Variants in TLL1 observed in about 807,000 individuals in gnomAD.
TLL1 encodes tolloid-like protein 1.
Under a neutral mutation model 128.2 loss-of-function variants are expected in TLL1, and 49 were observed. That is an observed-to-expected ratio of 0.38 (90% CI 0.30 to 0.48). The LOEUF (loss-of-function observed/expected upper bound fraction) is 0.48, where lower values mean the gene tolerates loss of function less well. TLL1 is among the 20% of genes least tolerant of loss of function. The probability of loss-of-function intolerance (pLI) is 0.96; values close to 1 mark genes in which losing one functional copy is unlikely to be tolerated. For synonymous variants in TLL1, 454 were observed against 418.8 expected (o/e 1.08, Z -1.03); for missense variants, 1,123 against 1,242.0 (o/e 0.90, Z 1.44).
At chr4:165,905,233 T>C (rs1732197477) in intron 1 of TLL1, among the ~76,000 whole-genome samples, 1 of 152,208 alleles carries the variant, frequency 6.6e-6, no homozygotes, top group Non-Finnish European at 1.5e-5. Context: ...AATGAAAGCA[T>C]ATGTCCCTAC....
chr4:166,049,946 A>G (rs984697154), intron 12 of TLL1, among the ~76,000 whole-genome samples: 6 of 152,082 alleles, frequency 3.9e-5, no homozygotes, highest in African/African-American at 1.2e-4. Context: ...AAATAATACT[A>G]TCTATACAAG....
At chr4:165,876,006 A>C (rs568433120) in intron 1 of TLL1, among the ~76,000 whole-genome samples, 2 of 152,154 alleles carry the variant, frequency 1.3e-5, no homozygotes, top group Non-Finnish European at 2.9e-5. Context: ...AATAAAACCA[A>C]CGTTGAATGG....
At chr4:165,954,717 C>T (rs1041846058) in intron 1 of TLL1, among the ~76,000 whole-genome samples, 3 of 151,984 alleles carry the variant, frequency 2.0e-5, no homozygotes, top group African/African-American at 4.8e-5. Flanking sequence ...TCTGAAAGCA[C>T]CCAGAAACAA....
At position 166,074,545 on chromosome 4, in the gene TLL1, A is replaced by G. The variant is rs184695297; in HGVS notation, c.2189-333A>G. Reference sequence around the variant, plus strand: ...TTAAATTTATTTTTTTAAATTGGCAATAAATGTTTAGGGTTAATTTGAAAA... The same window carrying G: ...TTAAATTTATTTTTTTAAATTGGCAGTAAATGTTTAGGGTTAATTTGAAAA... On this transcript the variant is annotated intron_variant, in intron 16 of 20. Transcript: ENST00000061240. Among the ~76,000 whole-genome samples the G allele has an allele frequency of 1.1e-4, 16 of 152,122 alleles. No homozygotes were observed. The East Asian group carries it at 2.7e-3, about 26-fold the overall frequency.
At chr4:165,953,567 A>G (rs56270016) in intron 1 of TLL1, among the ~76,000 whole-genome samples, 263 of 10,910 alleles carry the variant, frequency 0.024, no homozygotes, top group Middle Eastern at 0.091. Context: ...TTTCATTTAG[A>G]AAAAAAAAAA....
At chr4:165,990,217 T>C (rs1041390419) in intron 2 of TLL1, among the ~76,000 whole-genome samples, 1 of 151,922 alleles carries the variant, frequency 6.6e-6, no homozygotes, top group African/African-American at 2.4e-5. Flanking sequence ...TTTTTATCTG[T>C]GTATTATTCT....
chr4:165,967,015 G>A lies in TLL1; in HGVS notation c.170-22366G>A, dbSNP rs112033368. Among the ~76,000 whole-genome samples the A allele has an allele frequency of 5.3e-5, 8 of 152,272 alleles. No individual in the cohort carries two copies. The South Asian group carries it at 6.2e-4, about 12-fold the overall frequency. ...CTTATTTCATCCCTTATCTGCAACC[G>A]TGTAAGACAGACATTCCCAGAGCAG... is the stretch of plus-strand genomic sequence containing the variant. On this transcript the variant is annotated intron_variant, in intron 1 of 20. Coordinates refer to ENST00000061240, the MANE Select transcript of TLL1 (RefSeq NM_012464.5).
chr4:165,966,586 G>T (rs1255906382), intron 1 of TLL1, among the ~76,000 whole-genome samples: 1 of 152,132 alleles, frequency 6.6e-6, no homozygotes, highest in Non-Finnish European at 1.5e-5. Context: ...GCTGGTCTGA[G>T]AAATAAAGGG....
chr4:165,956,208 AGTGGTGCACGTATT>A (rs1286789329), intron 1 of TLL1, among the ~76,000 whole-genome samples: 1 of 152,140 alleles, frequency 6.6e-6, no homozygotes, highest in African/African-American at 2.4e-5. Flanking sequence ...GTCTCTGTTC[AGTGGTGCACGTATT>A]GTCTTGATAA....
At chr4:166,099,147 A>G in intron 19 of TLL1, 130 bp from the exon 20 acceptor site, 1 of 1,432,484 alleles carries the variant, frequency 7.0e-7, no homozygotes, top group Non-Finnish European at 9.8e-7. Context: ...GTTGTGGAAA[A>G]CATATCTGAC....
intron 1 of TLL1, among the ~76,000 whole-genome samples, chr4:165,924,684 A>T (rs1343358239): frequency 6.6e-6 from 1 of 152,344 alleles, no homozygotes. Context: ...ACTAAGCAAC[A>T]TATTTTCAAT....
chr4:166,008,295 G>A (rs888648499), intron 7 of TLL1, among the ~76,000 whole-genome samples: 9 of 151,246 alleles, frequency 6.0e-5, no homozygotes, highest in Non-Finnish European at 8.9e-5. Flanking sequence ...CAATAAGATG[G>A]CATAAATTAT....
intron 13 of TLL1, 144 bp downstream of exon 13, chr4:166,055,415 G>C: frequency 2.7e-6 from 2 of 736,734 alleles, no homozygotes; most frequent in Non-Finnish European, 4.5e-6. Context: ...CGATAGAAAA[G>C]GTTATTAATA....
chr4:165,909,778 G>A lies in TLL1; in HGVS notation c.169+35705G>A, dbSNP rs538605476. 5.3e-5 allele frequency among the ~76,000 whole-genome samples: 8 copies of A among 152,168 alleles called. No homozygotes were observed. In the South Asian group the frequency reaches 6.2e-4, roughly 12 times the overall value. Reference sequence around the variant, plus strand: ...ACATTTTTATTTATGGGATTAAGCCGTTACTTAGTTCTCATAACAGCAGAG... The same window carrying A: ...ACATTTTTATTTATGGGATTAAGCCATTACTTAGTTCTCATAACAGCAGAG... On this transcript the variant is annotated intron_variant, in intron 1 of 20. Transcript: ENST00000061240.
At chr4:165,883,424 G>C (rs1156343123) in intron 1 of TLL1, among the ~76,000 whole-genome samples, 1 of 152,074 alleles carries the variant, frequency 6.6e-6, no homozygotes, top group African/African-American at 2.4e-5. Context: ...GAGTGAGAGG[G>C]CCATGAGTTC....
intron 1 of TLL1, among the ~76,000 whole-genome samples, chr4:165,953,855 G>T (rs1010433810): frequency 3.3e-5 from 5 of 152,006 alleles, no homozygotes; most frequent in Non-Finnish European, 5.9e-5. Flanking sequence ...GAAACGTAAG[G>T]TTCTAAGCCC....
intron 19 of TLL1, among the ~76,000 whole-genome samples, chr4:166,093,991 G>T (rs991425288): frequency 6.6e-6 from 1 of 152,116 alleles, no homozygotes; most frequent in African/African-American, 2.4e-5. Flanking sequence ...TCTCAGCAAA[G>T]CAATTGTTCA....
At chr4:166,021,120 G>A (rs2111062468) in intron 8 of TLL1, among the ~76,000 whole-genome samples, 1 of 152,078 alleles carries the variant, frequency 6.6e-6, no homozygotes, top group Middle Eastern at 3.4e-3. Flanking sequence ...TTAATTCATA[G>A]TTACTTATAT....
rs754411284 is a variant in TLL1 at position 166,041,304 on chromosome 4, C to CT, written c.1262-708dup. Among the ~76,000 whole-genome samples, 293 of 52,206 alleles carry CT rather than the reference C, an allele frequency of 5.6e-3. 1 individual carries two copies. Among genetic ancestry groups the CT allele is most frequent in the East Asian group, 8.3e-3 (17 of 2,036 alleles). The allele number at this position is 52,206 out of a possible 152,430, so 34.2% of individuals were successfully genotyped here. A position where few individuals can be genotyped will look rare whatever the true frequency, so the allele number is the denominator to read the frequency against. On this transcript the variant is annotated intron_variant, in intron 10 of 20. Transcript: ENST00000061240. ...GAGCACATTCTTTCTTTCTTTCTTT[C>CT]TTTTTTTTTTTTTTTGAAATGGAGT...
Sources: allele counts gnomAD v4.1 joint callset (sites outside exome capture counted in the v4.1 genomes callset), GRCh38; gene constraint gnomAD v4.1.1; transcripts MANE v1.5; gene names NCBI Gene and HGNC (gene_info 2026-07-23, HGNC 2026-07-21).